The following SETD1B variants were observed in gnomAD, a reference collection of about 807,000 sequenced individuals.
SETD1B encodes histone-lysine N-methyltransferase SETD1B.
SETD1B carries 7 observed loss-of-function variants against 148.0 expected under a neutral mutation model. That is an observed-to-expected ratio of 0.05 (90% CI 0.03 to 0.09). The LOEUF (loss-of-function observed/expected upper bound fraction) is 0.09. Ranked by LOEUF, SETD1B falls within the 10% of genes least tolerant of loss-of-function variation. The pLI, the probability that SETD1B is intolerant of heterozygous loss-of-function variation, is 1.00. For synonymous variants in SETD1B, 1,361 were observed against 1,186.5 expected, an observed-to-expected ratio of 1.15 and a Z score of -3.02; for missense variants, 2,155 against 2,729.9, an observed-to-expected ratio of 0.79 and a Z score of 4.69.
Position 121,810,017 on chromosome 12 carries a change from G to C in SETD1B, c.1072G>C (p.Gly358Arg). Reference sequence around the variant, plus strand: ...CTCGGACCTCCCGTTCGGAGCAGTCGGCGGCACTGGGGGCAGCAGCGGTCC... The same window carrying C: ...CTCGGACCTCCCGTTCGGAGCAGTCCGCGGCACTGGGGGCAGCAGCGGTCC... ...GSSDLPFGAV[G>R]GTGGSSGPPF... Residue 358 changes from glycine to arginine, a missense_variant, in exon 6 of 17, where the codon GGC becomes CGC. Gly to Arg is a moderately radical substitution (Grantham distance 125). Coordinates refer to ENST00000604567, the MANE Select transcript of SETD1B (RefSeq NM_001353345.2). The surrounding 1 kb of genome is among the most constrained non-coding windows in gnomAD (Gnocchi z 7.6). 6.4e-7 allele frequency: 1 copy of C among 1,550,422 alleles called. No individual in the cohort carries two copies. Among genetic ancestry groups the C allele is most frequent in the Non-Finnish European group, 8.7e-7 (1 of 1,146,926 alleles).
chr12:121,795,469 C>T, the SETD1B span: 10,507 of 152,276 alleles, frequency 0.069, 659 homozygotes, highest in East Asian at 0.21. Flanking sequence ...GGCAAATGCA[C>T]GGCAGCTAGA....
Position 121,817,497 on chromosome 12 carries a change from G to A in SETD1B, c.3105G>A (p.Glu1035=). 2 of 1,551,220 alleles carry A rather than the reference G, an allele frequency of 1.3e-6. No homozygotes were observed. The highest frequency in any genetic ancestry group is 1.7e-6 in the Non-Finnish European group (2 of 1,146,770). The change falls in exon 9 of 17, where the codon GAG becomes GAA. Residue 1035 remains glutamate (E), a synonymous_variant. Transcript: ENST00000604567. The surrounding 1 kb of genome is among the most constrained non-coding windows in gnomAD (Gnocchi z 8.1). ...TGGAGCTGGACAGTGGTGGGGAGGAGGACGAGAAGGAGTCATTGTCGGCGT... is the reference window on the plus strand; with the variant it reads ...TGGAGCTGGACAGTGGTGGGGAGGAAGACGAGAAGGAGTCATTGTCGGCGT... The part of the protein sequence containing the change: ...RPLELDSGGE[E]DEKESLSASS...
chr12:121,809,446 T>C (rs1875906628), intron 5 of SETD1B, among the ~76,000 whole-genome samples, 157 bp from the exon 6 acceptor site: 1 of 152,210 alleles, frequency 6.6e-6, no homozygotes, highest in Admixed American at 6.5e-5. Context: ...AGTACCATCC[T>C]GACACTCCTC....
chr12:121,830,037 G>T lies in SETD1B; in HGVS notation c.5728-29G>T. On this transcript the variant is annotated intron_variant, in intron 16 of 16. Coordinates refer to ENST00000604567, the MANE Select transcript of SETD1B (RefSeq NM_001353345.2). The surrounding 1 kb of genome is among the most constrained non-coding windows in gnomAD (Gnocchi z 5.7). ...GGTGGGGGACCCTGGGGGACCAGGG[G>T]CTCATTCTCCCCCCCACCTTGCCTG... 2 of 1,539,598 alleles carry T rather than the reference G, an allele frequency of 1.3e-6. No homozygotes were observed. The highest frequency in any genetic ancestry group is 1.8e-6 in the Non-Finnish European group (2 of 1,138,940).
Position 121,810,927 on chromosome 12 carries a change from A to G in SETD1B, c.1890+92A>G. On this transcript the variant is annotated intron_variant, in intron 6 of 16. Transcript: ENST00000604567. The surrounding 1 kb of genome is among the most constrained non-coding windows in gnomAD (Gnocchi z 7.6). ...CAAGCATTTAGCATGACTAGCTAAG[A>G]TGCGGAAGCAATGGGGCTAGGAAAG... The G allele has an allele frequency of 7.1e-7, 1 of 1,401,970 alleles. No homozygotes were observed. 86.8% of individuals were successfully genotyped at this position (1,401,970 alleles called of 1,614,324 possible). A position where few individuals can be genotyped will look rare whatever the true frequency, so the allele number is the denominator to read the frequency against.
chr12:121,820,785 G>T (rs928231067), intron 11 of SETD1B, among the ~76,000 whole-genome samples: 2 of 152,070 alleles, frequency 1.3e-5, no homozygotes, highest in South Asian at 2.1e-4. Context: ...CACCCACCTC[G>T]GCCTCCCAAA....
the SETD1B span, chr12:121,793,264 T>G: frequency 1.3e-6 from 2 of 1,545,654 alleles, no homozygotes; most frequent in Non-Finnish European, 1.8e-6. Context: ...GTCGGGTTGG[T>G]CCTTAGTGGG....
In SETD1B at chr12:121,830,227, G is replaced by T. The variant is rs1174862571; in HGVS notation, c.5889G>T (p.Gly1963=). The T allele has an allele frequency of 5.2e-5, 81 of 1,550,510 alleles. No homozygotes were observed. The highest frequency in any genetic ancestry group is 6.5e-5 in the Non-Finnish European group (75 of 1,146,754). Residue 1963 remains glycine (G), a synonymous_variant, in exon 17 of 17, where the codon GGG becomes GGT. Coordinates refer to ENST00000604567, the MANE Select transcript of SETD1B (RefSeq NM_001353345.2). This position sits in a 1 kb window ranked among gnomAD's most constrained non-coding sequence, Gnocchi z 5.7. The stretch of plus-strand genomic sequence containing the variant: ...TCTGTGGCTCCGAGAACTGCCGGGG[G>T]ACCCTCAACTAGGCCCCGGCACCAG... ...PCLCGSENCR[G]TLN
upstream of SETD1B, chr12:121,800,744 G>A (rs1434535231): frequency 2.0e-5 from 3 of 147,908 alleles, no homozygotes; most frequent in African/African-American, 7.3e-5. Context: ...GCTGAGGCGA[G>A]CGCGGGAGGC....
At position 121,811,655 on chromosome 12, in the gene SETD1B, G is replaced by A. The variant is rs918300933; in HGVS notation, c.1890+820G>A. Among the ~76,000 whole-genome samples, 7 of 152,292 alleles carry A rather than the reference G, an allele frequency of 4.6e-5. No homozygotes were observed. The South Asian group carries it at 6.2e-4, about 14-fold the overall frequency. The stretch of plus-strand genomic sequence containing the variant: ...TCTCGGTCCAGGCACCTGCCTTGGA[G>A]CCGTAGTCCCGGTGGGCATGGGCAG... On this transcript the variant is annotated intron_variant, in intron 6 of 16. Transcript: ENST00000604567.
At chr12:121,807,283 TTCCCTAGCTTC>T (rs1875790346) in intron 4 of SETD1B, among the ~76,000 whole-genome samples, 1 of 151,930 alleles carries the variant, frequency 6.6e-6, no homozygotes, top group Non-Finnish European at 1.5e-5. Flanking sequence ...TCCCACCCCT[TTCCCTAGCTTC>T]TCAGTCTCTG....
Position 121,808,469 on chromosome 12 carries a change from C to T in SETD1B, c.657+149C>T. 1.7e-6 allele frequency: 1 copy of T among 585,166 alleles called. No individual in the cohort carries two copies. Among genetic ancestry groups the T allele is most frequent in the Non-Finnish European group, 3.0e-6 (1 of 330,012 alleles). 36.2% of individuals were successfully genotyped at this position (585,166 alleles called of 1,614,324 possible). A position where few individuals can be genotyped will look rare whatever the true frequency, so the allele number is the denominator to read the frequency against. ...ACCAAGGCCTAGGAGGGTGTGAAGC[C>T]TGGCCACGCCCCCCACAATTGGGAG... On this transcript the variant is annotated intron_variant, in intron 5 of 16. Coordinates refer to ENST00000604567, the MANE Select transcript of SETD1B (RefSeq NM_001353345.2). This position sits in a 1 kb window ranked among gnomAD's most constrained non-coding sequence, Gnocchi z 5.3.
At chr12:121,819,959 C>T in intron 11 of SETD1B, 64 bp downstream of exon 11, 1 of 1,385,728 alleles carries the variant, frequency 7.2e-7, no homozygotes, top group Non-Finnish European at 9.8e-7. Context: ...CTGTCAGAAT[C>T]AGCCCGGGCT....
In SETD1B at chr12:121,804,287, C is replaced by T. The variant is rs868093410; in HGVS notation, c.-15+54C>T. On this transcript the variant is annotated intron_variant, in intron 1 of 16. Coordinates refer to ENST00000604567, the MANE Select transcript of SETD1B (RefSeq NM_001353345.2). This position sits in a 1 kb window ranked among gnomAD's most constrained non-coding sequence, Gnocchi z 4.6. Reference sequence around the variant, plus strand: ...GCGGCCGGCAGCCGGGCGGCCCAAGCCCCCGGCCCCGGCCCTGGCCCGAGC... The same window carrying T: ...GCGGCCGGCAGCCGGGCGGCCCAAGTCCCCGGCCCCGGCCCTGGCCCGAGC... The T allele has an allele frequency of 2.3e-4, 34 of 146,422 alleles. No individual in the cohort carries two copies. In the South Asian group the frequency reaches 2.5e-3, roughly 11 times the overall value. 9.1% of individuals were successfully genotyped at this position (146,422 alleles called of 1,614,324 possible).
chr12:121,816,256 C>A (rs1876288673), intron 7 of SETD1B, among the ~76,000 whole-genome samples: 1 of 149,312 alleles, frequency 6.7e-6, no homozygotes, highest in African/African-American at 2.5e-5. Context: ...CTCCCCTCCA[C>A]CCCATTCCCC....
the SETD1B span, chr12:121,794,133 T>C: frequency 0.78 from 120,069 of 153,630 alleles, 47,597 homozygotes; most frequent in East Asian, 0.98. Context: ...GCCCCAGCGG[T>C]GTGGCTTGGC....
Position 121,804,983 on chromosome 12 carries a change from C to G in SETD1B, c.174+72C>G, listed in dbSNP as rs916473343. The G allele has an allele frequency of 6.9e-7, 1 of 1,459,614 alleles. No homozygotes were observed. Among genetic ancestry groups the G allele is most frequent in the Non-Finnish European group, 9.2e-7 (1 of 1,090,010 alleles). The allele number at this position is 1,459,614 out of a possible 1,614,324, so 90.4% of individuals were successfully genotyped here. A position where few individuals can be genotyped will look rare whatever the true frequency, so the allele number is the denominator to read the frequency against. On this transcript the variant is annotated intron_variant, in intron 2 of 16. Coordinates refer to ENST00000604567, the MANE Select transcript of SETD1B (RefSeq NM_001353345.2). This position sits in a 1 kb window ranked among gnomAD's most constrained non-coding sequence, Gnocchi z 4.6. ...GGGAGACGCGCCTAGCGGCCAGGGA[C>G]CCCCCGCCCGATCCCCCGGCCAACT... is the stretch of plus-strand genomic sequence containing the variant.
rs959641619 is a variant in SETD1B at position 121,814,704 on chromosome 12, G to A, written c.2489G>A (p.Arg830His). 45 of 1,550,436 alleles carry A rather than the reference G, an allele frequency of 2.9e-5. No homozygotes were observed. The East Asian group carries it at 5.6e-4, about 19-fold the overall frequency. The change falls in exon 7 of 17, where the codon CGC becomes CAC. Residue 830 changes from arginine to histidine, a missense_variant. Arg to His is a conservative substitution (Grantham distance 29). This residue lies in a region of SETD1B where 289 missense variants were observed against 423.7 expected (regional missense o/e 0.68). Transcript: ENST00000604567. ...PFSLSNSGPGRGQHWPPLPKF... is the reference protein window; with the variant it reads ...PFSLSNSGPGHGQHWPPLPKF... ...TCCCTGAGCAACTCCGGCCCAGGCCGCGGGCAGCACTGGCCACCACTGCCC... is the reference window on the plus strand; with the variant it reads ...TCCCTGAGCAACTCCGGCCCAGGCCACGGGCAGCACTGGCCACCACTGCCC...
intron 11 of SETD1B, among the ~76,000 whole-genome samples, chr12:121,821,704 T>C (rs1459699825): frequency 6.7e-6 from 1 of 148,930 alleles, no homozygotes; most frequent in Admixed American, 6.7e-5. Flanking sequence ...TGAGCTGAGA[T>C]TGTGCCATTG....
Sources: gnomAD v4.1 joint callset for allele counts (sites outside exome capture counted in the v4.1 genomes callset) on GRCh38, gnomAD v4.1.1 for gene constraint, gnomAD v4.1.1 regional missense constraint, Gnocchi (gnomAD v3.1) non-coding constraint, MANE v1.5 for transcripts, NCBI Gene and HGNC (gene_info 2026-07-23, HGNC 2026-07-21) for gene names.